The following CEP63 variants were observed in gnomAD, a reference collection of about 807,000 sequenced individuals.
CEP63 encodes the protein centrosomal protein of 63 kDa.
In CEP63, 84 loss-of-function variants were observed where a neutral mutation model predicts 89.1. The observed-to-expected ratio is 0.94, with a 90% confidence interval of 0.79 to 1.13. The LOEUF (loss-of-function observed/expected upper bound fraction) is 1.13. Ranked by LOEUF, CEP63 falls within the 50% of genes most tolerant of loss-of-function variation. CEP63 has a pLI of 0.00. For synonymous variants in CEP63, 267 were observed against 272.5 expected (o/e 0.98, Z 0.20); for missense variants, 838 against 813.3 (o/e 1.03, Z -0.37).
At chr3:134,497,449 G>A (rs572605699) in intron 2 of CEP63, among the ~76,000 whole-genome samples, 1 of 152,244 alleles carries the variant, frequency 6.6e-6, no homozygotes, top group Non-Finnish European at 1.5e-5. Context: ...GTAGCTCACT[G>A]TAGCCTCAAA....
intron 3 of CEP63, among the ~76,000 whole-genome samples, chr3:134,520,735 T>C (rs1459708305): frequency 6.6e-6 from 1 of 152,174 alleles, no homozygotes; most frequent in Non-Finnish European, 1.5e-5. Flanking sequence ...ATCCCACATA[T>C]GTGAACATTT....
chr3:134,625,054 T>C, the CEP63 span: 4 of 1,593,984 alleles, frequency 2.5e-6, no homozygotes, highest in Non-Finnish European at 3.4e-6. Flanking sequence ...CTGTCCTACC[T>C]GTGAGGCGTA....
At chr3:134,599,521 T>G in the CEP63 span, among the ~76,000 whole-genome samples, 2 of 152,202 alleles carry the variant, frequency 1.3e-5, no homozygotes, top group African/African-American at 4.8e-5. Flanking sequence ...GGCTGGAAAG[T>G]TTCTGCATGT....
At chr3:134,766,850 C>A in the CEP63 span, among the ~76,000 whole-genome samples, 1,994 of 152,272 alleles carry the variant, frequency 0.013, 46 homozygotes, top group African/African-American at 0.044. Flanking sequence ...TTCAGTTTGC[C>A]CATGACCTGG....
At chr3:134,515,878 TG>T (rs1946087550) in intron 3 of CEP63, among the ~76,000 whole-genome samples, 2 of 152,210 alleles carry the variant, frequency 1.3e-5, no homozygotes, top group Admixed American at 6.5e-5. Flanking sequence ...CCTTCAAAGC[TG>T]TATTGGGCCA....
the CEP63 span, among the ~76,000 whole-genome samples, chr3:134,729,101 G>C: frequency 2.0e-5 from 3 of 151,962 alleles, no homozygotes; most frequent in Non-Finnish European, 4.4e-5. Flanking sequence ...TTTTAAAAAT[G>C]TTCAACTTTT....
intron 2 of CEP63, among the ~76,000 whole-genome samples, chr3:134,500,445 G>A (rs373406601): frequency 3.9e-5 from 6 of 152,018 alleles, no homozygotes; most frequent in East Asian, 3.9e-4. Flanking sequence ...ATTTTCCTTC[G>A]AGTATATACC....
At chr3:134,767,094 G>T in the CEP63 span, among the ~76,000 whole-genome samples, 1 of 152,106 alleles carries the variant, frequency 6.6e-6, no homozygotes, top group South Asian at 2.1e-4. Flanking sequence ...CTCCTACTTG[G>T]CTTCATCTTG....
the CEP63 span, among the ~76,000 whole-genome samples, chr3:134,777,608 A>ATTTTTT: frequency 4.0e-5 from 4 of 100,186 alleles, no homozygotes; most frequent in African/African-American, 1.2e-4. Context: ...AAAGAATAGA[A>ATTTTTT]TTTTTTTTTT....
Position 134,498,099 on chromosome 3 carries a change from G to C in CEP63, c.44+2735G>C, listed in dbSNP as rs150119131. On this transcript the variant is annotated intron_variant, in intron 2 of 14. Coordinates refer to ENST00000675561, the MANE Select transcript of CEP63 (RefSeq NM_001353108.3). ...TTTTAGTATTATTTTTTCTATTTCT[G>C]TGAAGCATGTCATAGGTATTTTGAT... is the stretch of plus-strand genomic sequence containing the variant. 1.7e-4 allele frequency among the ~76,000 whole-genome samples: 26 copies of C among 152,140 alleles called. No homozygotes were observed. The East Asian group carries it at 4.8e-3, about 28-fold the overall frequency.
chr3:134,539,363 ACT>A (rs1403329898), intron 6 of CEP63, among the ~76,000 whole-genome samples: 2 of 152,132 alleles, frequency 1.3e-5, no homozygotes, highest in Non-Finnish European at 2.9e-5. Flanking sequence ...TCAAACTGAA[ACT>A]CTATACCATT....
chr3:134,507,332 T>G, intron 3 of CEP63, 46 bp downstream of exon 3: 5 of 1,394,606 alleles, frequency 3.6e-6, no homozygotes, highest in Non-Finnish European at 5.1e-6. Context: ...TTATCTTGTC[T>G]TTTATATTAA....
At chr3:134,605,490 T>C in the CEP63 span, among the ~76,000 whole-genome samples, 1 of 152,156 alleles carries the variant, frequency 6.6e-6, no homozygotes, top group Non-Finnish European at 1.5e-5. Context: ...AGACTTCTCA[T>C]TGAATCTGCA....
At chr3:134,496,888 C>T (rs924513820) in intron 2 of CEP63, among the ~76,000 whole-genome samples, 1 of 152,168 alleles carries the variant, frequency 6.6e-6, no homozygotes, top group Admixed American at 6.5e-5. Context: ...TTTACATTCT[C>T]ACCAACAGCA....
chr3:134,551,661 A>T (rs1237229257), intron 11 of CEP63, among the ~76,000 whole-genome samples: 1 of 151,086 alleles, frequency 6.6e-6, no homozygotes, highest in Non-Finnish European at 1.5e-5. Context: ...TATTAGAATG[A>T]TATCTTCATC....
At chr3:134,643,457 G>T in the CEP63 span, 2 of 1,296,298 alleles carry the variant, frequency 1.5e-6, no homozygotes, top group Non-Finnish European at 2.2e-6. Context: ...GTATGTGTTT[G>T]CGGGAAAGGT....
At chr3:134,592,471 TGTGTG>T (rs1197784952), downstream of CEP63, among the ~76,000 whole-genome samples, 1 of 65,166 alleles carries the variant, frequency 1.5e-5, no homozygotes, top group Non-Finnish European at 3.3e-5. Flanking sequence ...TGCAAACTGG[TGTGTG>T]TGTGTGTGTG....
chr3:134,653,135 C>T, the CEP63 span, among the ~76,000 whole-genome samples: 5 of 152,162 alleles, frequency 3.3e-5, no homozygotes, highest in Non-Finnish European at 5.9e-5. Flanking sequence ...AAGACAGCTT[C>T]GGAGCAGGGC....
chr3:134,763,582 A>G, the CEP63 span, among the ~76,000 whole-genome samples: 1 of 152,188 alleles, frequency 6.6e-6, no homozygotes, highest in Non-Finnish European at 1.5e-5. Context: ...CCTTGATTTA[A>G]GATATCATGG....
Sources: allele counts gnomAD v4.1 joint callset (sites outside exome capture counted in the v4.1 genomes callset), GRCh38; gene constraint gnomAD v4.1.1; transcripts MANE v1.5; gene names NCBI Gene and HGNC (gene_info 2026-07-23, HGNC 2026-07-21).